Variants in THSD4 observed in about 807,000 individuals in gnomAD.
The protein encoded by THSD4 is thrombospondin type 1 domain containing 4.
Under a neutral mutation model 119.0 loss-of-function variants are expected in THSD4, and 69 were observed. The ratio of observed to expected loss-of-function variants is 0.58; its 90% CI spans 0.48 to 0.71. The LOEUF (loss-of-function observed/expected upper bound fraction) is 0.71, where lower values mean the gene tolerates loss of function less well. Among genes scored for constraint, THSD4 ranks in the 30% least tolerant of loss-of-function variants. THSD4 has a pLI of 0.00. For missense variants in THSD4, 1,393 were observed against 1,391.1 expected, an observed-to-expected ratio of 1.00 and a Z score of -0.02; for synonymous variants, 524 against 540.4, an observed-to-expected ratio of 0.97 and a Z score of 0.42.
chr15:71,283,184 T>A (rs1403811275), intron 6 of THSD4, among the ~76,000 whole-genome samples: 1 of 152,156 alleles, frequency 6.6e-6, no homozygotes, highest in African/African-American at 2.4e-5. Context: ...TTAGCCGGGA[T>A]GGTCTCCATC....
intron 7 of THSD4, among the ~76,000 whole-genome samples, chr15:71,571,535 G>A (rs1034507244): frequency 6.6e-6 from 1 of 152,222 alleles, no homozygotes; most frequent in South Asian, 2.1e-4. Context: ...CTGCATTAAG[G>A]CAAGGTCGCC....
intron 8 of THSD4, among the ~76,000 whole-genome samples, chr15:71,690,228 T>C (rs1259769172): frequency 2.0e-5 from 3 of 152,246 alleles, no homozygotes; most frequent in African/African-American, 7.2e-5. Flanking sequence ...AGCCTTACAT[T>C]TTTTAAGATC....
At chr15:71,190,868 T>C (rs1054806171) in intron 3 of THSD4, among the ~76,000 whole-genome samples, 1 of 152,046 alleles carries the variant, frequency 6.6e-6, no homozygotes, top group Non-Finnish European at 1.5e-5. Flanking sequence ...ACACAGAGAC[T>C]CCCCAACTCT....
intron 6 of THSD4, among the ~76,000 whole-genome samples, chr15:71,299,561 G>A (rs1397336185): frequency 6.6e-6 from 1 of 152,180 alleles, no homozygotes; most frequent in African/African-American, 2.4e-5. Context: ...CTATAATGGG[G>A]AAGAGGGAGC....
At chr15:71,195,338 A>G (rs2043710340) in intron 3 of THSD4, among the ~76,000 whole-genome samples, 1 of 152,156 alleles carries the variant, frequency 6.6e-6, no homozygotes, top group African/African-American at 2.4e-5. Flanking sequence ...GCAAAAGACA[A>G]CCTCTCTGCT....
intron 3 of THSD4, among the ~76,000 whole-genome samples, chr15:71,190,066 G>A (rs989628020): frequency 1.3e-5 from 2 of 152,180 alleles, no homozygotes; most frequent in Non-Finnish European, 2.9e-5. Context: ...GGCTACATAT[G>A]AGCCATCCCC....
intron 7 of THSD4, chr15:71,547,511 T>G: frequency 6.5e-7 from 1 of 1,548,082 alleles, no homozygotes; most frequent in Non-Finnish European, 8.7e-7. Context: ...TTGTCAGAAG[T>G]TGTATTTTTT....
intron 7 of THSD4, among the ~76,000 whole-genome samples, chr15:71,523,021 G>A (rs1347500262): frequency 6.6e-6 from 1 of 152,182 alleles, no homozygotes; most frequent in Admixed American, 6.5e-5. Flanking sequence ...TATCTGGCAT[G>A]TTATGGGAAC....
chr15:71,506,556 C>G (rs1034818932), intron 7 of THSD4, among the ~76,000 whole-genome samples: 2 of 152,224 alleles, frequency 1.3e-5, no homozygotes, highest in Non-Finnish European at 2.9e-5. Flanking sequence ...AGCACAAGTG[C>G]CCCACACTGA....
At chr15:71,438,525 A>T (rs2047046110) in intron 7 of THSD4, among the ~76,000 whole-genome samples, 2 of 152,212 alleles carry the variant, frequency 1.3e-5, no homozygotes, top group South Asian at 4.1e-4. Context: ...TTTGGAATTT[A>T]TCCTAGTGTA....
intron 7 of THSD4, among the ~76,000 whole-genome samples, chr15:71,550,627 T>A (rs8041568): frequency 0.33 from 49,863 of 151,944 alleles, 8,544 homozygotes; most frequent in Non-Finnish European, 0.39. Flanking sequence ...TTTTCAGTAG[T>A]GATGGGGTTT....
intron 7 of THSD4, among the ~76,000 whole-genome samples, chr15:71,587,674 G>A (rs947698157): frequency 5.3e-4 from 73 of 136,526 alleles, no homozygotes; most frequent in African/African-American, 1.9e-3. Flanking sequence ...CCTAAGGCTA[G>A]ATGACGAGTT....
At chr15:71,582,406 A>G (rs1053506124) in intron 7 of THSD4, among the ~76,000 whole-genome samples, 1 of 152,150 alleles carries the variant, frequency 6.6e-6, no homozygotes, top group African/African-American at 2.4e-5. Context: ...TTTTCTATGT[A>G]TAAGATCATG....
At chr15:71,602,571 AAAAAAAAAAT>A (rs1194017044) in intron 7 of THSD4, among the ~76,000 whole-genome samples, 11 of 146,538 alleles carry the variant, frequency 7.5e-5, no homozygotes, top group East Asian at 2.0e-4. Context: ...AAAAAAAAAA[AAAAAAAAAAT>A]GAAAAAGAAA....
At chr15:71,511,383 G>T (rs2048281313) in intron 7 of THSD4, among the ~76,000 whole-genome samples, 1 of 152,156 alleles carries the variant, frequency 6.6e-6, no homozygotes, top group Admixed American at 6.5e-5. Context: ...GGGAATAAAG[G>T]TGGGAGGATT....
chr15:71,263,388 G>A (rs1408639970), intron 6 of THSD4, among the ~76,000 whole-genome samples: 2 of 147,424 alleles, frequency 1.4e-5, no homozygotes, highest in South Asian at 4.2e-4. Flanking sequence ...TGGGCATTTA[G>A]GTTGATTCCA....
At chr15:71,112,057 T>C (rs1283117959), upstream of THSD4, 4 of 1,586,238 alleles carry the variant, frequency 2.5e-6, no homozygotes, top group Admixed American at 1.7e-5. Flanking sequence ...GTTCACACGT[T>C]GCTCTTATTC....
chr15:71,120,535 C>T (rs566422736), intron 1 of THSD4, among the ~76,000 whole-genome samples: 13 of 152,352 alleles, frequency 8.5e-5, no homozygotes, highest in Admixed American at 1.3e-4. Context: ...AGGAGGGTGG[C>T]ACTGGGCACC....
At chr15:71,717,829 ATG>A (rs2052638943) in intron 8 of THSD4, among the ~76,000 whole-genome samples, 1 of 152,126 alleles carries the variant, frequency 6.6e-6, no homozygotes, top group African/African-American at 2.4e-5. Context: ...CAGGTACTAA[ATG>A]AGACAGGGCT....
Sources: gnomAD v4.1 joint callset for allele counts (sites outside exome capture counted in the v4.1 genomes callset) on GRCh38, gnomAD v4.1.1 for gene constraint, MANE v1.5 for transcripts, NCBI Gene and HGNC (gene_info 2026-07-23, HGNC 2026-07-21) for gene names.